Variants in CACNA2D1 observed in about 807,000 individuals in gnomAD.
CACNA2D1 encodes the protein calcium voltage-gated channel auxiliary subunit alpha2delta 1, also known as voltage-dependent calcium channel subunit alpha-2/delta-1.
In CACNA2D1, 53 loss-of-function variants were observed where a neutral mutation model predicts 171.5. The ratio of observed to expected loss-of-function variants is 0.31; its 90% CI spans 0.25 to 0.39. The LOEUF (loss-of-function observed/expected upper bound fraction) is 0.39. Ranked by LOEUF, CACNA2D1 falls within the 10% of genes least tolerant of loss-of-function variation. CACNA2D1 has a pLI of 1.00. For missense variants in CACNA2D1, 903 were observed against 1,299.8 expected (o/e 0.69, Z 4.69); for synonymous variants, 442 against 443.1 (o/e 1.00, Z 0.03).
chr7:82,293,921 G>C (rs766872250), intron 3 of CACNA2D1, among the ~76,000 whole-genome samples: 11 of 152,016 alleles, frequency 7.2e-5, no homozygotes, highest in Admixed American at 2.0e-4. Context: ...TCCCAGTAGA[G>C]GCCCTTAGCT....
At chr7:81,991,362 A>G in intron 20 of CACNA2D1, 116 bp from the exon 21 acceptor site, 1 of 679,252 alleles carries the variant, frequency 1.5e-6, no homozygotes, top group East Asian at 2.7e-5. Context: ...TCATCTTTAC[A>G]AAGGTATGAT....
intron 3 of CACNA2D1, among the ~76,000 whole-genome samples, chr7:82,332,561 A>AGAAAGAAC (rs1331960559): frequency 5.1e-4 from 71 of 140,560 alleles, no homozygotes; most frequent in African/African-American, 1.6e-3. Context: ...AAAGAAAGAA[A>AGAAAGAAC]GAAAGAACGA....
intron 3 of CACNA2D1, among the ~76,000 whole-genome samples, chr7:82,293,745 C>T (rs1563323342): frequency 6.6e-6 from 1 of 152,164 alleles, no homozygotes; most frequent in Non-Finnish European, 1.5e-5. Flanking sequence ...TGGGAAGGAT[C>T]TGGGAATATA....
At chr7:82,412,517 A>G (rs1157919617) in intron 1 of CACNA2D1, among the ~76,000 whole-genome samples, 1 of 151,840 alleles carries the variant, frequency 6.6e-6, no homozygotes, top group African/African-American at 2.4e-5. Flanking sequence ...TCCTGACCTC[A>G]AGTAATCTGC....
rs1208617777 is a variant in CACNA2D1 at position 82,393,083 on chromosome 7, A to AAGGAAGGAAGGAAGGC, written c.96-43435_96-43434insGCCTTCCTTCCTTCCT. On this transcript the variant is annotated intron_variant, in intron 1 of 38. Coordinates refer to ENST00000356860, the MANE Select transcript of CACNA2D1 (RefSeq NM_000722.4). ...GAAGGAAGGAAGGAAGGAAGGAAGG[A>AAGGAAGGAAGGAAGGC]AGGCAGGCAGGCAGGCAGGCAGGCA... is the stretch of plus-strand genomic sequence containing the variant. Among the ~76,000 whole-genome samples the AAGGAAGGAAGGAAGGC allele has an allele frequency of 8.3e-3, 680 of 82,146 alleles. 5 individuals carry two copies. The highest frequency in any genetic ancestry group is 0.013 in the East Asian group (37 of 2,814). 53.9% of individuals were successfully genotyped at this position (82,146 alleles called of 152,430 possible).
At chr7:82,188,880 A>G (rs1227535857) in intron 3 of CACNA2D1, among the ~76,000 whole-genome samples, 1 of 152,094 alleles carries the variant, frequency 6.6e-6, no homozygotes, top group Non-Finnish European at 1.5e-5. Context: ...ACTTGGATGG[A>G]GCTGGAGGCC....
At chr7:82,170,485 G>T (rs1400198950) in intron 4 of CACNA2D1, 65 bp downstream of exon 4, 1 of 996,512 alleles carries the variant, frequency 1.0e-6, no homozygotes, top group Non-Finnish European at 1.6e-6. Flanking sequence ...ATTTTAATAT[G>T]CATGTAATTA....
At chr7:82,311,495 G>A (rs1585439305) in intron 3 of CACNA2D1, among the ~76,000 whole-genome samples, 1 of 151,926 alleles carries the variant, frequency 6.6e-6, no homozygotes, top group Admixed American at 6.6e-5. Context: ...AAACATTGTT[G>A]ATGCTGTTTA....
At chr7:82,074,850 T>G (rs1808766119) in intron 7 of CACNA2D1, among the ~76,000 whole-genome samples, 1 of 152,162 alleles carries the variant, frequency 6.6e-6, no homozygotes, top group African/African-American at 2.4e-5. Flanking sequence ...GACTTTGATA[T>G]TTCCACTGTA....
At chr7:82,311,454 A>G (rs1814455884) in intron 3 of CACNA2D1, among the ~76,000 whole-genome samples, 1 of 152,094 alleles carries the variant, frequency 6.6e-6, no homozygotes, top group South Asian at 2.1e-4. Flanking sequence ...GATGGAGGAC[A>G]AAACTAATTT....
intron 3 of CACNA2D1, among the ~76,000 whole-genome samples, chr7:82,308,560 AC>A (rs1442758081): frequency 6.6e-6 from 1 of 152,066 alleles, no homozygotes. Context: ...TCCAAATACA[AC>A]TCTCCAATAT....
intron 3 of CACNA2D1, among the ~76,000 whole-genome samples, chr7:82,298,981 T>C: frequency 6.7e-6 from 1 of 150,044 alleles, no homozygotes; most frequent in East Asian, 2.0e-4. Context: ...GAGAATCCTT[T>C]GAACCGGGGA....
chr7:82,317,057 G>A (rs1815212217), intron 3 of CACNA2D1, among the ~76,000 whole-genome samples: 1 of 152,120 alleles, frequency 6.6e-6, no homozygotes, highest in Admixed American at 6.5e-5. Flanking sequence ...GCCATGTTAG[G>A]CAGACCCCAG....
At position 81,946,675 on chromosome 7, in the gene CACNA2D1, A is replaced by G. The variant is rs1198339464; in HGVS notation, c.*3717T>C. 2 of 152,148 alleles carry G rather than the reference A, an allele frequency of 1.3e-5. No homozygotes were observed. The highest frequency in any genetic ancestry group is 4.8e-5 in the African/African-American group (2 of 41,450). The allele number at this position is 152,148 out of a possible 1,614,324, so 9.4% of individuals were successfully genotyped here. A position where few individuals can be genotyped will look rare whatever the true frequency, so the allele number is the denominator to read the frequency against. On this transcript the variant is annotated 3_prime_UTR_variant, in exon 39 of 39. Transcript: ENST00000356860. ...TTTTGCATGAATGCACACCATTTTAATAAAAGTATTCCTAAAAGCATGATC... is the reference window on the plus strand; with the variant it reads ...TTTTGCATGAATGCACACCATTTTAGTAAAAGTATTCCTAAAAGCATGATC...
At chr7:82,152,109 TAC>T (rs1357364315) in intron 4 of CACNA2D1, among the ~76,000 whole-genome samples, 1 of 151,976 alleles carries the variant, frequency 6.6e-6, no homozygotes, top group Non-Finnish European at 1.5e-5. Flanking sequence ...ACTATATATT[TAC>T]AGAGGACAAG....
chr7:82,005,850 AG>A lies in CACNA2D1; in HGVS notation c.1441-12del, dbSNP rs1295687967. On this transcript the variant is annotated splice_polypyrimidine_tract_variant and intron_variant, in intron 16 of 38. Transcript: ENST00000356860. ...AAGAATCAGCTGGTTCTATAATAAGAGGGCAAAAAATGGCATTTTATGTCAA... is the reference window on the plus strand; with the variant it reads ...AAGAATCAGCTGGTTCTATAATAAGAGGCAAAAAATGGCATTTTATGTCAA... The A allele has an allele frequency of 6.4e-7, 1 of 1,564,282 alleles. No homozygotes were observed. Among genetic ancestry groups the A allele is most frequent in the African/African-American group, 1.4e-5 (1 of 73,536 alleles).
At chr7:82,351,885 G>A (rs1236601460) in intron 1 of CACNA2D1, among the ~76,000 whole-genome samples, 1 of 152,128 alleles carries the variant, frequency 6.6e-6, no homozygotes, top group Non-Finnish European at 1.5e-5. Context: ...TACAAAAAAT[G>A]AGTCATCTCT....
At chr7:82,344,768 C>T (rs1162079204) in intron 2 of CACNA2D1, among the ~76,000 whole-genome samples, 4 of 152,030 alleles carry the variant, frequency 2.6e-5, no homozygotes, top group Non-Finnish European at 4.4e-5. Flanking sequence ...TTGCCTACAT[C>T]GTTATGGTGC....
intron 10 of CACNA2D1, among the ~76,000 whole-genome samples, chr7:82,057,692 T>C (rs1806110015): frequency 6.6e-6 from 1 of 151,992 alleles, no homozygotes; most frequent in African/African-American, 2.4e-5. Flanking sequence ...TGGTTGGAGA[T>C]AACTGTGAAT....
Sources: allele counts gnomAD v4.1 joint callset (sites outside exome capture counted in the v4.1 genomes callset), GRCh38; gene constraint gnomAD v4.1.1; transcripts MANE v1.5; gene names NCBI Gene and HGNC (gene_info 2026-07-23, HGNC 2026-07-21).